CORIN: variants seen among roughly 807,000 people sequenced by gnomAD.
CORIN encodes the protein atrial natriuretic peptide-converting enzyme.
A neutral mutation model predicts 125.3 loss-of-function variants in CORIN; 117 were observed. The ratio of observed to expected loss-of-function variants is 0.93; its 90% confidence interval spans 0.80 to 1.09. CORIN has a LOEUF of 1.09. CORIN is among the 50% of genes least tolerant of loss of function. The probability of loss-of-function intolerance (pLI) is 0.00; values close to 1 mark genes in which losing one functional copy is unlikely to be tolerated. For missense variants in CORIN, 1,253 were observed against 1,306.7 expected, an observed-to-expected ratio of 0.96 and a Z score of 0.63; for synonymous variants, 450 against 466.4, an observed-to-expected ratio of 0.96 and a Z score of 0.45.
In CORIN at chr4:47,727,985, G is replaced by A. The variant is rs544554492; in HGVS notation, c.799+16417C>T. Among the ~76,000 whole-genome samples, 6 of 152,224 alleles carry A rather than the reference G, an allele frequency of 3.9e-5. No individual in the cohort carries two copies. In the East Asian group the frequency reaches 9.6e-4, roughly 24 times the overall value. On this transcript the variant is annotated intron_variant, in intron 5 of 21. Coordinates refer to ENST00000273857, the MANE Select transcript of CORIN (RefSeq NM_006587.4). ...AAACACTATGTTGCACTGCCTCCTCGATAAGAGCTTAACTTTTTGTTTAAA... is the reference window on the plus strand; with the variant it reads ...AAACACTATGTTGCACTGCCTCCTCAATAAGAGCTTAACTTTTTGTTTAAA...
intron 19 of CORIN, among the ~76,000 whole-genome samples, chr4:47,607,419 A>T (rs1721696911): frequency 6.6e-6 from 1 of 151,934 alleles, no homozygotes; most frequent in Non-Finnish European, 1.5e-5. Context: ...AAAAAAAAAA[A>T]TTCCACCAAA....
chr4:47,604,754 T>C (rs1474666764), intron 19 of CORIN, among the ~76,000 whole-genome samples: 1 of 152,214 alleles, frequency 6.6e-6, no homozygotes, highest in African/African-American at 2.4e-5. Flanking sequence ...TGCAATGGCC[T>C]CCCAAATCAT....
intron 5 of CORIN, among the ~76,000 whole-genome samples, chr4:47,704,694 A>T (rs2109765012): frequency 6.6e-6 from 1 of 152,290 alleles, no homozygotes; most frequent in African/African-American, 2.4e-5. Flanking sequence ...ATTTGAGCAG[A>T]TACAGAGTCT....
chr4:47,682,062 C>T (rs1725308585), intron 7 of CORIN: 1 of 152,060 alleles, frequency 6.6e-6, no homozygotes, highest in African/African-American at 2.4e-5. Context: ...TACCACATGC[C>T]CTCACTCATA....
rs1560481514 is a variant in CORIN at position 47,632,768 on chromosome 4, G to GAC, written c.2199-6248_2199-6247insGT. ...ATAGATAGATAGATAGATAGATAGA[G>GAC]ATAGATAGTTAGATAGATTTTTTTT... is the stretch of plus-strand genomic sequence containing the variant. On this transcript the variant is annotated intron_variant, in intron 16 of 21. Transcript: ENST00000273857. Among the ~76,000 whole-genome samples the GAC allele has an allele frequency of 4.1e-5, 4 of 96,840 alleles. 1 individual carries two copies. Among genetic ancestry groups the GAC allele is most frequent in the African/African-American group, 1.5e-4 (4 of 25,824 alleles). 63.5% of individuals were successfully genotyped at this position (96,840 alleles called of 152,430 possible).
At position 47,656,946 on chromosome 4, in the gene CORIN, A is replaced by G. The variant is rs181719791; in HGVS notation, c.1736-3286T>C. On this transcript the variant is annotated intron_variant, in intron 12 of 21. Transcript: ENST00000273857. The stretch of plus-strand genomic sequence containing the variant: ...AAATTCAGTAAAGTTGCAAGATACA[A>G]AATCAACATACAAAAATTAGTAGCA... 2.5e-3 allele frequency among the ~76,000 whole-genome samples: 376 copies of G among 152,330 alleles called. 2 individuals are homozygous for G. The highest frequency in any genetic ancestry group is 9.7e-3 in the South Asian group (47 of 4,824).
chr4:47,614,970 C>T (rs10938495), intron 19 of CORIN, among the ~76,000 whole-genome samples: 40,479 of 151,996 alleles, frequency 0.27, 6,456 homozygotes, highest in East Asian at 0.64. Context: ...GAAGATTTGA[C>T]GGGGCAATCA....
chr4:47,805,737 A>T (rs1433582936), intron 2 of CORIN, among the ~76,000 whole-genome samples: 1 of 152,264 alleles, frequency 6.6e-6, no homozygotes. Context: ...ATCTATTAAT[A>T]GATATGAGCT....
chr4:47,823,191 A>G (rs914154463), intron 1 of CORIN, among the ~76,000 whole-genome samples: 6 of 152,180 alleles, frequency 3.9e-5, no homozygotes, highest in Non-Finnish European at 5.9e-5. Context: ...ATTTGTTACT[A>G]TCATAATTTA....
chr4:47,786,791 C>T lies in CORIN; in HGVS notation c.343G>A (p.Asp115Asn), dbSNP rs766858237. The T allele has an allele frequency of 5.0e-6, 8 of 1,613,952 alleles. No individual in the cohort carries two copies. In the African/African-American group the frequency reaches 6.7e-5, roughly 13 times the overall value. ...QSTVVSTAHP[D>N]QHVPAWTTDA... is the part of the protein sequence containing the mutation. ...GTAGTCCAGGCTGGAACGTGTTGGT[C>T]GGGATGTGCAGTAGACACCACAGTG... The change falls in exon 3 of 22, where the codon GAC becomes AAC. Residue 115 changes from aspartate to asparagine, a missense_variant. By Grantham distance (23) the Asp-to-Asn change is conservative. Coordinates refer to ENST00000273857, the MANE Select transcript of CORIN (RefSeq NM_006587.4).
rs73142016 is a variant in CORIN, at chr4:47,653,578, G to A, written c.1818C>T (p.Asp606=). The A allele has an allele frequency of 5.6e-5, 91 of 1,613,960 alleles. No individual in the cohort carries two copies. The African/African-American group carries it at 6.8e-4, about 12-fold the overall frequency. ...CACAGTTTTCCTCATCACTGTCATC[G>A]TCACAGTCGGCCTGGCCATCACATC... ...SRRCDGQADC[D]DDSDEENCGC... is the part of the protein sequence containing the mutation. The change falls in exon 13 of 22, where the codon GAC becomes GAT. Residue 606 remains aspartate (D), a synonymous_variant. Coordinates refer to ENST00000273857, the MANE Select transcript of CORIN (RefSeq NM_006587.4).
chr4:47,796,222 T>C lies in CORIN; in HGVS notation c.209-9297A>G, dbSNP rs73135991. On this transcript the variant is annotated intron_variant, in intron 2 of 21. Transcript: ENST00000273857. ...TGGAAGCAGCCTAAATGTCCACTGA[T>C]AGATGAATAAATTTTAAAAATGTGG... Among the ~76,000 whole-genome samples, 1,383 of 152,152 alleles carry C rather than the reference T, an allele frequency of 9.1e-3. 19 individuals are homozygous for C. Among genetic ancestry groups the C allele is most frequent in the African/African-American group, 0.03 (1,249 of 41,534 alleles).
intron 1 of CORIN, among the ~76,000 whole-genome samples, chr4:47,821,230 A>G (rs1732497717): frequency 1.3e-5 from 2 of 151,668 alleles, no homozygotes; most frequent in South Asian, 4.2e-4. Flanking sequence ...GCGAGACCCC[A>G]TCTCAAAAAA....
At chr4:47,635,046 G>C (rs1225901822) in intron 16 of CORIN, among the ~76,000 whole-genome samples, 2 of 152,184 alleles carry the variant, frequency 1.3e-5, no homozygotes, top group African/African-American at 2.4e-5. Flanking sequence ...TAAAAGATTA[G>C]GTTGAAATTA....
chr4:47,683,818 G>A lies in CORIN; in HGVS notation c.934C>T (p.His312Tyr). 6.2e-7 allele frequency: 1 copy of A among 1,613,084 alleles called. No individual in the cohort carries two copies. Among genetic ancestry groups the A allele is most frequent in the South Asian group, 1.1e-5 (1 of 90,972 alleles). ...AHCNCSENLFHCHTGKCLNYS... is the reference protein window; with the variant it reads ...AHCNCSENLFYCHTGKCLNYS... ...TTAAGGCACTTGCCTGTGTGACAGT[G>A]AAACAGATTCTCGCTGCAGTCTGCA... Residue 312 changes from histidine (H) to tyrosine (Y), a missense_variant, in exon 7 of 22, where the codon CAC becomes TAC. Coordinates refer to ENST00000273857, the MANE Select transcript of CORIN (RefSeq NM_006587.4).
intron 19 of CORIN, among the ~76,000 whole-genome samples, chr4:47,622,100 T>C (rs1279978223): frequency 1.4e-5 from 2 of 142,992 alleles, no homozygotes; most frequent in East Asian, 4.2e-4. Context: ...ATATGCGGTG[T>C]TTGGTTTTTT....
chr4:47,772,450 A>G (rs541551291), intron 3 of CORIN, among the ~76,000 whole-genome samples: 4 of 152,316 alleles, frequency 2.6e-5, no homozygotes, highest in South Asian at 2.1e-4. Flanking sequence ...GGCATTTTTT[A>G]TAAATTTTGA....
intron 2 of CORIN, among the ~76,000 whole-genome samples, chr4:47,792,684 T>C (rs1577928009): frequency 1.3e-5 from 2 of 152,350 alleles, no homozygotes; most frequent in East Asian, 3.9e-4. Flanking sequence ...TTCTCTGGCC[T>C]CTTGAGTGAG....
intron 2 of CORIN, among the ~76,000 whole-genome samples, chr4:47,799,782 C>T (rs1731458461): frequency 6.6e-6 from 1 of 151,924 alleles, no homozygotes; most frequent in African/African-American, 2.4e-5. Flanking sequence ...ATGTATGTCC[C>T]CACAAAAACA....
Sources: gnomAD v4.1 joint callset for allele counts (sites outside exome capture counted in the v4.1 genomes callset) on GRCh38, gnomAD v4.1.1 for gene constraint, MANE v1.5 for transcripts, NCBI Gene and HGNC (gene_info 2026-07-23, HGNC 2026-07-21) for gene names.